The following MED15 variants were observed in gnomAD, a reference collection of about 807,000 sequenced individuals.
The protein encoded by MED15 is mediator complex subunit 15, also known as mediator of RNA polymerase II transcription subunit 15.
In MED15, 41 loss-of-function variants were observed where a neutral mutation model predicts 118.7. The ratio of observed to expected loss-of-function variants is 0.35; its 90% CI spans 0.27 to 0.45. MED15 has a LOEUF of 0.45. Ranked by LOEUF, MED15 falls within the 20% of genes least tolerant of loss-of-function variation. The probability of loss-of-function intolerance (pLI) is 1.00; values close to 1 mark genes in which losing one functional copy is unlikely to be tolerated. For missense variants in MED15, 740 were observed against 1,025.5 expected (o/e 0.72, Z 3.80); for synonymous variants, 436 against 413.9 (o/e 1.05, Z -0.65).
chr22:20,541,010 C>T (rs760049700), intron 2 of MED15, among the ~76,000 whole-genome samples: 3 of 152,030 alleles, frequency 2.0e-5, no homozygotes, highest in Admixed American at 6.6e-5. Flanking sequence ...GGGCAGATCA[C>T]GAGGTCAGGA....
chr22:20,534,565 A>G (rs2054987611), intron 1 of MED15, among the ~76,000 whole-genome samples: 1 of 152,188 alleles, frequency 6.6e-6, no homozygotes, highest in African/African-American at 2.4e-5. Context: ...GGGAAGAACA[A>G]GTATGCCTTT....
At chr22:20,583,488 A>T (rs568272941) in intron 13 of MED15, 95 bp downstream of exon 13, 1 of 1,466,854 alleles carries the variant, frequency 6.8e-7, no homozygotes, top group African/African-American at 1.4e-5. Flanking sequence ...TAACAAAGGC[A>T]CCAGGCAGCT....
At chr22:20,545,025 A>G (rs1355179724) in intron 2 of MED15, among the ~76,000 whole-genome samples, 1 of 152,176 alleles carries the variant, frequency 6.6e-6, no homozygotes, top group Non-Finnish European at 1.5e-5. Context: ...ACTTCATCAT[A>G]TCTGCAAAGA....
Position 20,523,603 on chromosome 22 carries a change from T to C in MED15, c.69-13514T>C, listed in dbSNP as rs565954615. ...ACCCCCACCAAATACCACAGAGCCA[T>C]GTGAGATCAGCATTTGGGTTGGCAG... On this transcript the variant is annotated intron_variant, in intron 1 of 17. Coordinates refer to ENST00000263205, the MANE Select transcript of MED15 (RefSeq NM_001003891.3). The C allele has an allele frequency of 4.3e-5, 40 of 941,126 alleles. No homozygotes were observed. In the East Asian group the frequency reaches 1.5e-3, roughly 36 times the overall value. 58.3% of individuals were successfully genotyped at this position (941,126 alleles called of 1,614,324 possible). A position where few individuals can be genotyped will look rare whatever the true frequency, so the allele number is the denominator to read the frequency against.
chr22:20,515,146 G>C (rs560135981), intron 1 of MED15, among the ~76,000 whole-genome samples: 1 of 152,196 alleles, frequency 6.6e-6, no homozygotes, highest in African/African-American at 2.4e-5. Flanking sequence ...TGAGCCCTCA[G>C]TCATCTGCTC....
At chr22:20,580,639 T>G (rs2056953841) in intron 9 of MED15, among the ~76,000 whole-genome samples, 2 of 152,152 alleles carry the variant, frequency 1.3e-5, no homozygotes, top group South Asian at 4.1e-4. Context: ...TTCCCACTCC[T>G]CGGTGCCGTC....
intron 13 of MED15, 36 bp downstream of exon 13, chr22:20,583,429 G>A (rs2057046913): frequency 6.2e-7 from 1 of 1,609,720 alleles, no homozygotes; most frequent in East Asian, 2.2e-5. Context: ...GGGTCCACAA[G>A]GGCACAGATA....
At chr22:20,512,079 C>T (rs1400364153) in intron 1 of MED15, among the ~76,000 whole-genome samples, 1 of 147,708 alleles carries the variant, frequency 6.8e-6, no homozygotes, top group Non-Finnish European at 1.5e-5. Flanking sequence ...GCCTTGACCT[C>T]CCAGGGTCAA....
At chr22:20,552,562 A>C (rs1364870451) in intron 3 of MED15, 3 of 461,102 alleles carry the variant, frequency 6.5e-6, no homozygotes, top group Non-Finnish European at 1.3e-5. Flanking sequence ...GCTGGTGCAC[A>C]CAGTCCTGTG....
At chr22:20,552,265 C>G (rs1299898409) in intron 3 of MED15, among the ~76,000 whole-genome samples, 1 of 152,220 alleles carries the variant, frequency 6.6e-6, no homozygotes, top group Non-Finnish European at 1.5e-5. Context: ...GAGCATGTGC[C>G]TGGCGAGTCC....
At chr22:20,518,186 G>C (rs2054321104) in intron 1 of MED15, among the ~76,000 whole-genome samples, 1 of 143,462 alleles carries the variant, frequency 7.0e-6, no homozygotes, top group South Asian at 2.2e-4. Flanking sequence ...TGGTATGAAT[G>C]ATTTTAATTT....
rs752900907 is a variant in MED15 at position 20,554,986 on chromosome 22, G to T, written c.289G>T (p.Ala97Ser). The change falls in exon 5 of 18, where the codon GCT becomes TCT. Residue 97 changes from alanine to serine, a missense_variant. Ala to Ser is a moderately conservative substitution (Grantham distance 99). Around this residue, in one of 7 missense-constraint regions of MED15, gnomAD observed 117 missense variants for 124.6 expected, o/e 0.94. Coordinates refer to ENST00000263205, the MANE Select transcript of MED15 (RefSeq NM_001003891.3). ...GACTGGCGGACCTGCTGCGGGAGCCGCTGGAATTGGCATGCCTCCTCGGGG... is the reference window on the plus strand; with the variant it reads ...GACTGGCGGACCTGCTGCGGGAGCCTCTGGAATTGGCATGCCTCCTCGGGG... ...SLTGGPAAGA[A>S]GIGMPPRGPG... 2.5e-6 allele frequency: 4 copies of T among 1,611,072 alleles called. No individual in the cohort carries two copies. In the African/African-American group the frequency reaches 5.3e-5, roughly 22 times the overall value.
At chr22:20,533,439 G>T (rs2054931948) in intron 1 of MED15, among the ~76,000 whole-genome samples, 1 of 152,168 alleles carries the variant, frequency 6.6e-6, no homozygotes, top group Admixed American at 6.5e-5. Flanking sequence ...AAATACAGTT[G>T]TCAGAACTGC....
chr22:20,551,280 C>T (rs57203003), intron 2 of MED15, 156 bp from the exon 3 acceptor site: 35 of 781,256 alleles, frequency 4.5e-5, no homozygotes, highest in East Asian at 2.2e-4. Context: ...GGCTCTCTTC[C>T]GAGAGGCGGA....
At chr22:20,526,606 T>C (rs1569180377) in intron 1 of MED15, among the ~76,000 whole-genome samples, 1 of 152,268 alleles carries the variant, frequency 6.6e-6, no homozygotes, top group African/African-American at 2.4e-5. Flanking sequence ...CCCAGTTTTC[T>C]GTGTATCTAT....
At chr22:20,507,777 T>C (rs751617121) in intron 1 of MED15, 31 bp downstream of exon 1, 49 of 1,613,336 alleles carry the variant, frequency 3.0e-5, no homozygotes, top group Admixed American at 6.7e-5. Context: ...GGGGCTGGAT[T>C]GTGGGACCTT....
At chr22:20,535,821 A>AGT (rs1353255714) in intron 1 of MED15, among the ~76,000 whole-genome samples, 11 of 149,736 alleles carry the variant, frequency 7.3e-5, no homozygotes, top group Non-Finnish European at 1.5e-4. Flanking sequence ...GGCCTCCCAA[A>AGT]GTGCTGGGAC....
chr22:20,575,213 G>A lies in MED15; in HGVS notation c.1253G>A (p.Gly418Asp), dbSNP rs1473952069. Residue 418 changes from glycine to aspartate, a missense_variant, in exon 9 of 18, where the codon GGC becomes GAC. Physicochemically the swap from Gly to Asp is moderately conservative, Grantham distance 94. This residue lies in a region of MED15 where 384 missense variants were observed against 506.3 expected (regional missense o/e 0.76). Transcript: ENST00000263205. The stretch of plus-strand genomic sequence containing the variant: ...ATCCCGTCAAGCTCCATCCCTTTGG[G>A]CAGACAGCCCATGGCACAGGTATTT... ...SAIPSSSIPL[G>D]RQPMAQVSQS... 6.2e-7 allele frequency: 1 copy of A among 1,613,828 alleles called. No individual in the cohort carries two copies. Among genetic ancestry groups the A allele is most frequent in the Admixed American group, 1.7e-5 (1 of 60,014 alleles).
Position 20,575,233 on chromosome 22 carries a change from G to A in MED15, c.1272+1G>A. ...TTTGGGCAGACAGCCCATGGCACAG[G>A]TATTTACGGGGCAGCGCCCAGGGCA... On this transcript the variant is annotated splice_donor_variant, in intron 9 of 17. Coordinates refer to ENST00000263205, the MANE Select transcript of MED15 (RefSeq NM_001003891.3). LOFTEE classifies it high-confidence loss of function. 1 of 1,613,410 alleles carries A rather than the reference G, an allele frequency of 6.2e-7. No homozygotes were observed. Among genetic ancestry groups the A allele is most frequent in the Non-Finnish European group, 8.5e-7 (1 of 1,180,004 alleles).
Sources: allele counts gnomAD v4.1 joint callset (sites outside exome capture counted in the v4.1 genomes callset), GRCh38; gene constraint gnomAD v4.1.1; regional missense constraint gnomAD v4.1.1; transcripts MANE v1.5; gene names NCBI Gene and HGNC (gene_info 2026-07-23, HGNC 2026-07-21).